The following CADM1 variants were observed in gnomAD, a reference collection of about 807,000 sequenced individuals.
CADM1 encodes the protein cell adhesion molecule 1.
CADM1 carries 15 observed loss-of-function variants against 53.1 expected under a neutral mutation model. The observed-to-expected ratio is 0.28, with a 90% CI of 0.19 to 0.44. The LOEUF is 0.44. Among genes scored for constraint, CADM1 ranks in the 20% least tolerant of loss-of-function variants. The probability of loss-of-function intolerance (pLI) is 1.00; values close to 1 mark genes in which losing one functional copy is unlikely to be tolerated. For synonymous variants in CADM1, 281 were observed against 243.0 expected (o/e 1.16, Z -1.45); for missense variants, 434 against 611.3 (o/e 0.71, Z 3.06).
At chr11:115,330,882 A>G (rs1016108018) in intron 1 of CADM1, among the ~76,000 whole-genome samples, 12 of 152,142 alleles carry the variant, frequency 7.9e-5, no homozygotes, top group Admixed American at 1.3e-4. Context: ...CCTCCACCCA[A>G]GAAGGAGCAT....
chr11:115,208,028 TG>T (rs1940778975), intron 8 of CADM1, among the ~76,000 whole-genome samples: 1 of 152,194 alleles, frequency 6.6e-6, no homozygotes, highest in Non-Finnish European at 1.5e-5. Flanking sequence ...ATCTTTGATA[TG>T]CTGGTGAATA....
intron 1 of CADM1, among the ~76,000 whole-genome samples, chr11:115,439,170 T>C (rs191350095): frequency 7.6e-4 from 113 of 149,520 alleles, no homozygotes; most frequent in African/African-American, 2.5e-3. Context: ...AATGATGTCA[T>C]AAGTAAAGGC....
chr11:115,239,714 T>G (rs1219477519), intron 2 of CADM1, among the ~76,000 whole-genome samples: 3 of 91,056 alleles, frequency 3.3e-5, no homozygotes, highest in Admixed American at 1.6e-4. Context: ...CAGTTTTTGG[T>G]TTTTTTTTTT....
intron 1 of CADM1, among the ~76,000 whole-genome samples, chr11:115,290,651 G>T (rs535769426): frequency 1.3e-5 from 2 of 152,266 alleles, no homozygotes; most frequent in African/African-American, 4.8e-5. Flanking sequence ...AACACACACT[G>T]ATGGGCTTGA....
At chr11:115,453,036 A>G (rs1389518435) in intron 1 of CADM1, among the ~76,000 whole-genome samples, 1 of 152,190 alleles carries the variant, frequency 6.6e-6, no homozygotes, top group Non-Finnish European at 1.5e-5. Flanking sequence ...ATAAAATTAC[A>G]TTACTAGTTA....
Position 115,169,568 on chromosome 11 carries a change from G to C in CADM1, c.*6906C>G. 2.2e-6 allele frequency: 1 copy of C among 456,102 alleles called. No homozygotes were observed. Among genetic ancestry groups the C allele is most frequent in the Non-Finnish European group, 4.4e-6 (1 of 226,820 alleles). 28.3% of individuals were successfully genotyped at this position (456,102 alleles called of 1,614,324 possible). A position where few individuals can be genotyped will look rare whatever the true frequency, so the allele number is the denominator to read the frequency against. On this transcript the variant is annotated 3_prime_UTR_variant, in exon 12 of 12. Transcript: ENST00000331581. ...CGATAAAAGATTCATGTTCCTAATT[G>C]CAACACTATAGCTGCCCTCATCACT...
At chr11:115,443,325 C>T (rs1333220205) in intron 1 of CADM1, among the ~76,000 whole-genome samples, 2 of 152,178 alleles carry the variant, frequency 1.3e-5, no homozygotes, top group African/African-American at 4.8e-5. Flanking sequence ...GTTAATTATA[C>T]ATCAAAAATA....
At chr11:115,319,178 G>C (rs1052480161) in intron 1 of CADM1, among the ~76,000 whole-genome samples, 6 of 152,112 alleles carry the variant, frequency 3.9e-5, no homozygotes, top group African/African-American at 1.4e-4. Flanking sequence ...GCTGTGCCTG[G>C]TAAAGATAAC....
intron 1 of CADM1, among the ~76,000 whole-genome samples, chr11:115,247,477 TCATC>T (rs1942444009): frequency 6.6e-6 from 1 of 152,246 alleles, no homozygotes; most frequent in Admixed American, 6.5e-5. Flanking sequence ...ATTCCATCCT[TCATC>T]CACCCTTTGA....
intron 1 of CADM1, among the ~76,000 whole-genome samples, chr11:115,261,437 A>G (rs182962984): frequency 2.0e-5 from 3 of 152,332 alleles, no homozygotes; most frequent in Middle Eastern, 3.4e-3. Flanking sequence ...CATGGTAGAA[A>G]AAGTAAAACA....
intron 1 of CADM1, among the ~76,000 whole-genome samples, chr11:115,250,149 T>C (rs182111646): frequency 1.2e-3 from 176 of 152,300 alleles, no homozygotes; most frequent in East Asian, 8.9e-3. Flanking sequence ...GTGATCTGCC[T>C]GCCTCAGCCT....
At chr11:115,216,692 T>C (rs1941201212) in intron 6 of CADM1, among the ~76,000 whole-genome samples, 1 of 152,190 alleles carries the variant, frequency 6.6e-6, no homozygotes, top group Admixed American at 6.5e-5. Flanking sequence ...AAAGGTCATT[T>C]AAAACTCCAC....
At chr11:115,424,414 CTTG>C (rs1457433922) in intron 1 of CADM1, among the ~76,000 whole-genome samples, 1 of 152,152 alleles carries the variant, frequency 6.6e-6, no homozygotes, top group East Asian at 1.9e-4. Context: ...TCAGTTTGAC[CTTG>C]TTGTTTTTAA....
intron 1 of CADM1, among the ~76,000 whole-genome samples, chr11:115,262,131 CTTTT>C (rs895235518): frequency 4.0e-5 from 6 of 150,624 alleles, no homozygotes; most frequent in Admixed American, 6.6e-5. Context: ...TTGTGTCACA[CTTTT>C]TTTGTCTTTT....
intron 1 of CADM1, among the ~76,000 whole-genome samples, chr11:115,329,721 A>G (rs1020062876): frequency 2.6e-5 from 4 of 152,270 alleles, no homozygotes; most frequent in Middle Eastern, 3.4e-3. Flanking sequence ...CCAGTGTCCA[A>G]GAAGAATCAG....
At chr11:115,442,284 C>T (rs1948333203) in intron 1 of CADM1, among the ~76,000 whole-genome samples, 1 of 151,974 alleles carries the variant, frequency 6.6e-6, no homozygotes, top group Admixed American at 6.6e-5. Flanking sequence ...ATTACAGCTA[C>T]CCAAAATGAA....
intron 1 of CADM1, among the ~76,000 whole-genome samples, chr11:115,394,222 G>A (rs561400662): frequency 6.6e-6 from 1 of 152,326 alleles, no homozygotes; most frequent in East Asian, 1.9e-4. Flanking sequence ...AATTACATCA[G>A]ATCTCTATCT....
intron 5 of CADM1, among the ~76,000 whole-genome samples, chr11:115,220,557 C>A (rs1941366464): frequency 6.6e-6 from 1 of 152,170 alleles, no homozygotes; most frequent in Non-Finnish European, 1.5e-5. Context: ...TAATAGCTGG[C>A]TGAAAAGGTA....
At position 115,196,595 on chromosome 11, in the gene CADM1, T is replaced by TAAAAA. The variant is rs61694033; in HGVS notation, c.1111+1806_1111+1810dup. On this transcript the variant is annotated intron_variant, in intron 9 of 11. Coordinates refer to ENST00000331581, the MANE Select transcript of CADM1 (RefSeq NM_001301043.2). ...ACACTAACAATGATAGCTGATGAAC[T>TAAAAA]AAAAAAAAAAAAAAAAAAAAAAAAA... Among the ~76,000 whole-genome samples, 594 of 76,842 alleles carry TAAAAA rather than the reference T, an allele frequency of 7.7e-3. 23 individuals are homozygous for TAAAAA. Among genetic ancestry groups the TAAAAA allele is most frequent in the East Asian group, 0.033 (66 of 2,000 alleles). 50.4% of individuals were successfully genotyped at this position (76,842 alleles called of 152,430 possible).
Sources: allele counts gnomAD v4.1 joint callset (sites outside exome capture counted in the v4.1 genomes callset), GRCh38; gene constraint gnomAD v4.1.1; transcripts MANE v1.5; gene names NCBI Gene and HGNC (gene_info 2026-07-23, HGNC 2026-07-21).